The following NCAPD3 variants were observed in gnomAD, a reference collection of about 807,000 sequenced individuals.
The protein encoded by NCAPD3 is condensin-2 complex subunit D3.
A neutral mutation model predicts 182.9 loss-of-function variants in NCAPD3; 105 were observed. The observed-to-expected ratio is 0.57, with a 90% CI of 0.49 to 0.68. The LOEUF (loss-of-function observed/expected upper bound fraction) is 0.68. Among genes scored for constraint, NCAPD3 ranks in the 30% least tolerant of loss-of-function variants. The pLI is 0.00. For synonymous variants in NCAPD3, 815 were observed against 679.9 expected, an observed-to-expected ratio of 1.20 and a Z score of -3.09; for missense variants, 1,944 against 1,837.0, an observed-to-expected ratio of 1.06 and a Z score of -1.07.
intron 19 of NCAPD3, among the ~76,000 whole-genome samples, chr11:134,182,487 TAA>T (rs1387305356): frequency 2.0e-5 from 3 of 152,358 alleles, no homozygotes; most frequent in Non-Finnish European, 2.9e-5. Context: ...TTCTCCATGC[TAA>T]AGACTCCAGG....
intron 28 of NCAPD3, among the ~76,000 whole-genome samples, chr11:134,160,941 G>GT (rs779688618): frequency 2.7e-5 from 4 of 148,848 alleles, no homozygotes; most frequent in African/African-American, 7.7e-5. Context: ...TCAAAGCTCT[G>GT]TTTTTGTTTT....
Position 134,153,269 on chromosome 11 carries a change from G to T in NCAPD3, c.4327+20C>A, listed in dbSNP as rs934966692. ...CAAAGGCAGTGCATCTATCAGCCCA[G>T]AAGGACACCAAGAACTTGCCTTTGG... On this transcript the variant is annotated intron_variant, in intron 33 of 34. Transcript: ENST00000534548. 2.5e-6 allele frequency: 4 copies of T among 1,613,918 alleles called. No individual in the cohort carries two copies. In the Admixed American group the frequency reaches 6.7e-5, roughly 27 times the overall value.
intron 25 of NCAPD3, 63 bp downstream of exon 25, chr11:134,168,854 C>T: frequency 6.4e-7 from 1 of 1,559,176 alleles, no homozygotes; most frequent in Non-Finnish European, 8.7e-7. Flanking sequence ...AGAGCCTAAC[C>T]TCCCCTGATT....
In NCAPD3 at chr11:134,157,084, T is replaced by C; in HGVS notation, c.4186A>G (p.Ser1396Gly). The C allele has an allele frequency of 1.2e-6, 2 of 1,613,026 alleles. No homozygotes were observed. Among genetic ancestry groups the C allele is most frequent in the Non-Finnish European group, 8.5e-7 (1 of 1,179,512 alleles). ...TCGCCATTCGACTCTTGCTCCAAAC[T>C]GTATGAAGACACTAGAACAGAAAAG... ...EKTCSQVSSY[S>G]LEQESNGEIE... is the part of the protein sequence containing the mutation. The change falls in exon 32 of 35, where the codon AGT becomes GGT. Residue 1396 changes from serine (S) to glycine (G), a missense_variant. By Grantham distance (56) the Ser-to-Gly change is moderately conservative. This residue lies in a region of NCAPD3 where 1,803 missense variants were observed against 1,674.6 expected (regional missense o/e 1.08). Transcript: ENST00000534548.
chr11:134,222,447 A>G lies in NCAPD3; in HGVS notation c.64+1416T>C, dbSNP rs180727911. ...ATAGAAGAGAGGCCACTGAATTTTG[A>G]GTCAGAACGAGGCAAATATCCTGAC... On this transcript the variant is annotated intron_variant, in intron 1 of 34. Coordinates refer to ENST00000534548, the MANE Select transcript of NCAPD3 (RefSeq NM_015261.3). Among the ~76,000 whole-genome samples the G allele has an allele frequency of 2.4e-3, 372 of 152,352 alleles. 1 individual carries two copies. The highest frequency in any genetic ancestry group is 4.5e-3 in the Non-Finnish European group (308 of 68,024).
chr11:134,154,929 G>C (rs1043460824), intron 32 of NCAPD3, among the ~76,000 whole-genome samples: 15 of 152,182 alleles, frequency 9.9e-5, no homozygotes, highest in Admixed American at 9.8e-4. Context: ...CTGTTTCGGT[G>C]AAGTCTCTCC....
rs773307864 is a variant in NCAPD3, at chr11:134,194,640, A to C, written c.1689+25T>G. The C allele has an allele frequency of 5.2e-6, 8 of 1,540,328 alleles. No homozygotes were observed. In the East Asian group the frequency reaches 1.8e-4, roughly 35 times the overall value. ...TTCCAAGTTTTTAGTGCTTAAAAAA[A>C]AAAATGTGCAGAGAAAACTCCCACC... On this transcript the variant is annotated intron_variant, in intron 14 of 34. Transcript: ENST00000534548.
Position 134,202,910 on chromosome 11 carries a change from A to T in NCAPD3, c.1526-5T>A. The stretch of plus-strand genomic sequence containing the variant: ...TCTGCCTTTGGTAGGAAAAAGCTTT[A>T]AAAAAAAAATTACAGTCATTAAGCT... On this transcript the variant is annotated splice_region_variant and splice_polypyrimidine_tract_variant and intron_variant, in intron 12 of 34. Transcript: ENST00000534548. 1.3e-6 allele frequency: 2 copies of T among 1,534,788 alleles called. No homozygotes were observed. The highest frequency in any genetic ancestry group is 1.8e-6 in the Non-Finnish European group (2 of 1,128,790).
chr11:134,151,357 A>G lies in NCAPD3; in HGVS notation c.*1587T>C, dbSNP rs1393122472. The G allele has an allele frequency of 6.6e-6, 1 of 152,000 alleles. No individual in the cohort carries two copies. Among genetic ancestry groups the G allele is most frequent in the Non-Finnish European group, 1.5e-5 (1 of 68,006 alleles). 9.4% of individuals were successfully genotyped at this position (152,000 alleles called of 1,614,324 possible). A position where few individuals can be genotyped will look rare whatever the true frequency, so the allele number is the denominator to read the frequency against. On this transcript the variant is annotated 3_prime_UTR_variant, in exon 35 of 35. Coordinates refer to ENST00000534548, the MANE Select transcript of NCAPD3 (RefSeq NM_015261.3). ...GCTTAGCATGCAAGTTCCCTCCATC[A>G]TTGCCACCTTGGTAGAGAGGGATGG...
At chr11:134,156,492 C>A (rs1943422180) in intron 32 of NCAPD3, among the ~76,000 whole-genome samples, 1 of 152,172 alleles carries the variant, frequency 6.6e-6, no homozygotes, top group African/African-American at 2.4e-5. Flanking sequence ...ACTCAACTCT[C>A]CTAACTCACC....
At chr11:134,167,230 TGGG>T (rs1303125551) in intron 27 of NCAPD3, among the ~76,000 whole-genome samples, 2 of 81,744 alleles carry the variant, frequency 2.4e-5, no homozygotes, top group Non-Finnish European at 4.5e-5. Flanking sequence ...GAGATGAGCT[TGGG>T]GGAGGCGCAC....
chr11:134,212,073 G>C, intron 3 of NCAPD3, among the ~76,000 whole-genome samples: 1 of 152,054 alleles, frequency 6.6e-6, no homozygotes, highest in East Asian at 1.9e-4. Flanking sequence ...GCAAAAAAAA[G>C]TTAACTCAGA....
chr11:134,152,788 A>G lies in NCAPD3; in HGVS notation c.*156T>C. The G allele has an allele frequency of 1.6e-6, 1 of 610,152 alleles. No individual in the cohort carries two copies. Among genetic ancestry groups the G allele is most frequent in the Non-Finnish European group, 2.9e-6 (1 of 346,212 alleles). 37.8% of individuals were successfully genotyped at this position (610,152 alleles called of 1,614,324 possible). ...TAACCAAATACATCATACAGAATAG[A>G]AGGTGAGTGCCAGGCCCCTGAGGAG... is the stretch of plus-strand genomic sequence containing the variant. On this transcript the variant is annotated 3_prime_UTR_variant, in exon 35 of 35. Coordinates refer to ENST00000534548, the MANE Select transcript of NCAPD3 (RefSeq NM_015261.3).
At chr11:134,208,998 G>C (rs374120499) in intron 6 of NCAPD3, 47 bp from the exon 7 acceptor site, 5 of 1,492,348 alleles carry the variant, frequency 3.4e-6, no homozygotes, top group Admixed American at 1.8e-5. Flanking sequence ...GATTTTACTT[G>C]GAATATTTCT....
intron 7 of NCAPD3, 116 bp from the exon 8 acceptor site, chr11:134,206,848 C>G: frequency 9.3e-7 from 1 of 1,076,868 alleles, no homozygotes; most frequent in South Asian, 1.7e-5. Flanking sequence ...GTCAGGCTGG[C>G]ATAATTGCTG....
At position 134,177,201 on chromosome 11, in the gene NCAPD3, T is replaced by G; in HGVS notation, c.3021+18A>C. 2.5e-6 allele frequency: 4 copies of G among 1,574,158 alleles called. No homozygotes were observed. Among genetic ancestry groups the G allele is most frequent in the Non-Finnish European group, 3.5e-6 (4 of 1,143,706 alleles). On this transcript the variant is annotated intron_variant, in intron 23 of 34. Transcript: ENST00000534548. ...GCAATGGTGAAGGGGAAAGGACAGA[T>G]TGAACCCCCCTACGCACCTGCAAGA... is the stretch of plus-strand genomic sequence containing the variant.
upstream of NCAPD3, chr11:134,225,369 T>G: frequency 6.2e-7 from 1 of 1,609,514 alleles, no homozygotes; most frequent in Non-Finnish European, 8.5e-7. Context: ...CGGGACCCCC[T>G]CCCCCAGCGC....
At chr11:134,169,093 C>T in intron 24 of NCAPD3, 39 bp from the exon 25 acceptor site, 27 of 1,598,054 alleles carry the variant, frequency 1.7e-5, no homozygotes, top group Non-Finnish European at 2.3e-5. Flanking sequence ...GACCCATTTG[C>T]TATGTACCAA....
rs750039153 is a variant in NCAPD3, at chr11:134,204,095, T to C, written c.1166A>G (p.Glu389Gly). The change falls in exon 10 of 35, where the codon GAA becomes GGA. Residue 389 changes from glutamate to glycine, a missense_variant. Coordinates refer to ENST00000534548, the MANE Select transcript of NCAPD3 (RefSeq NM_015261.3). This position sits in a 1 kb window ranked among gnomAD's most constrained non-coding sequence, Gnocchi z 4.3. The stretch of plus-strand genomic sequence containing the variant: ...AAGCCAGGCAATGAACATAGCGTAT[T>C]CCCCACAAGGAAGTTTACTGAGCAG... Reference protein sequence around the residue: ...VQLLSKLPCGEYAMFIAWLYK... With the variant: ...VQLLSKLPCGGYAMFIAWLYK... 3 of 1,614,048 alleles carry C rather than the reference T, an allele frequency of 1.9e-6. No individual in the cohort carries two copies. The highest frequency in any genetic ancestry group is 2.5e-6 in the Non-Finnish European group (3 of 1,179,986).
Sources: allele counts gnomAD v4.1 joint callset (sites outside exome capture counted in the v4.1 genomes callset), GRCh38; gene constraint gnomAD v4.1.1; regional missense constraint gnomAD v4.1.1; non-coding constraint Gnocchi (gnomAD v3.1); transcripts MANE v1.5; gene names NCBI Gene and HGNC (gene_info 2026-07-23, HGNC 2026-07-21).